FFAR4: variants seen among roughly 807,000 people sequenced by gnomAD.
FFAR4 encodes G-protein coupled receptor 120.
Under a neutral mutation model 27.0 loss-of-function variants are expected in FFAR4, and 19 were observed. The observed-to-expected ratio is 0.70, with a 90% CI of 0.49 to 1.03. The LOEUF (loss-of-function observed/expected upper bound fraction) is 1.03. Ranked by LOEUF, FFAR4 falls within the 50% of genes least tolerant of loss-of-function variation. FFAR4 has a pLI of 0.00. For missense variants in FFAR4, 476 were observed against 479.0 expected (o/e 0.99, Z 0.06); for synonymous variants, 254 against 215.6 (o/e 1.18, Z -1.56).
intron 2 of FFAR4, among the ~76,000 whole-genome samples, chr10:93,579,526 T>G (rs1214795915): frequency 6.6e-6 from 1 of 152,234 alleles, no homozygotes; most frequent in Non-Finnish European, 1.5e-5. Context: ...CTCCAATTCC[T>G]TATCCTGATT....
chr10:93,568,220 C>T (rs560027084), intron 1 of FFAR4, among the ~76,000 whole-genome samples: 524 of 152,224 alleles, frequency 3.4e-3, no homozygotes, highest in Non-Finnish European at 6.2e-3. Context: ...GGAATCTAGA[C>T]GCGGAGTCAC....
rs2058101836 is a variant in FFAR4 at position 93,567,065 on chromosome 10, C to T, written c.345C>T (p.Phe115=). ...LLGPVACHLL[F]YVMTLSGSVT... ...GCCCCGTTGCCTGCCACCTGCTCTT[C>T]TACGTGATGACCCTGAGCGGCAGCG... Residue 115 remains phenylalanine (F), a synonymous_variant, in exon 1 of 3, where the codon TTC becomes TTT. Coordinates refer to ENST00000371481, the MANE Select transcript of FFAR4 (RefSeq NM_001195755.2). 1 of 1,611,300 alleles carries T rather than the reference C, an allele frequency of 6.2e-7. No homozygotes were observed. The highest frequency in any genetic ancestry group is 1.1e-5 in the South Asian group (1 of 91,044).
In FFAR4 at chr10:93,566,788, C is replaced by A. The variant is rs201785324; in HGVS notation, c.68C>A (p.Thr23Asn). ...CGCAGCCTGGAGCAAGCCAACCGCA[C>A]CCGCTTTCCCTTCTTCTCCGACGTC... Reference protein sequence around the residue: ...PLRSLEQANRTRFPFFSDVKG... With the variant: ...PLRSLEQANRNRFPFFSDVKG... The change falls in exon 1 of 3, where the codon ACC (threonine) becomes AAC (asparagine). Residue 23 changes from threonine to asparagine, a missense_variant. Transcript: ENST00000371481. 6.2e-7 allele frequency: 1 copy of A among 1,608,830 alleles called. No individual in the cohort carries two copies. Among genetic ancestry groups the A allele is most frequent in the East Asian group, 2.2e-5 (1 of 44,726 alleles).
At chr10:93,583,332 G>C (rs550310025) in intron 2 of FFAR4, among the ~76,000 whole-genome samples, 1 of 151,810 alleles carries the variant, frequency 6.6e-6, no homozygotes, top group East Asian at 1.9e-4. Flanking sequence ...AGGAGAATGG[G>C]GTGAACCCAG....
chr10:93,581,898 G>A (rs2058199476), intron 2 of FFAR4, among the ~76,000 whole-genome samples: 1 of 152,144 alleles, frequency 6.6e-6, no homozygotes, highest in Admixed American at 6.5e-5. Context: ...CCTGGCATGG[G>A]GTACACTCCC....
At chr10:93,575,288 C>T (rs2058157291) in intron 1 of FFAR4, among the ~76,000 whole-genome samples, 1 of 152,196 alleles carries the variant, frequency 6.6e-6, no homozygotes, top group Non-Finnish European at 1.5e-5. Context: ...TATACAGACA[C>T]ACAGATATAT....
intron 1 of FFAR4, among the ~76,000 whole-genome samples, chr10:93,570,376 T>TA (rs200631699): frequency 0.08 from 11,395 of 142,700 alleles, 697 homozygotes; most frequent in East Asian, 0.33. Flanking sequence ...GTGTAGTCAT[T>TA]AAAAAAAAAA....
Position 93,587,466 on chromosome 10 carries a change from G to A in FFAR4, c.943G>A (p.Ala315Thr), listed in dbSNP as rs377458978. 6.3e-5 allele frequency: 102 copies of A among 1,613,916 alleles called. No homozygotes were observed. Among genetic ancestry groups the A allele is most frequent in the Non-Finnish European group, 8.6e-5 (102 of 1,180,020 alleles). The stretch of plus-strand genomic sequence containing the variant: ...GGTGGCCTTCACATTTGCTAATTCA[G>A]CCCTAAACCCCATCCTCTACAACAT... ...WVVAFTFANSALNPILYNMTL... is the reference protein window; with the variant it reads ...WVVAFTFANSTLNPILYNMTL... The change falls in exon 3 of 3, where the codon GCC (alanine) becomes ACC (threonine). Residue 315 changes from alanine (A) to threonine (T), a missense_variant. Physicochemically the swap from Ala to Thr is moderately conservative, Grantham distance 58. Coordinates refer to ENST00000371481, the MANE Select transcript of FFAR4 (RefSeq NM_001195755.2).
chr10:93,579,333 C>T, intron 2 of FFAR4: 2 of 804,290 alleles, frequency 2.5e-6, no homozygotes, highest in South Asian at 3.1e-5. Flanking sequence ...TTTCACCCTC[C>T]CTTGTGTCCA....
In FFAR4 at chr10:93,588,942, G is replaced by A. The variant is rs2058246905; in HGVS notation, c.*1333G>A. 6.6e-6 allele frequency: 1 copy of A among 152,282 alleles called. No homozygotes were observed. The highest frequency in any genetic ancestry group is 1.5e-5 in the Non-Finnish European group (1 of 68,052). The allele number at this position is 152,282 out of a possible 1,614,324, so 9.4% of individuals were successfully genotyped here. A position where few individuals can be genotyped will look rare whatever the true frequency, so the allele number is the denominator to read the frequency against. On this transcript the variant is annotated 3_prime_UTR_variant, in exon 3 of 3. Transcript: ENST00000371481. ...ATGGTAGTGATGGGAATTTAGATCAGATGGGGAGGGGCCTAAGGAGACCTT... is the reference window on the plus strand; with the variant it reads ...ATGGTAGTGATGGGAATTTAGATCAAATGGGGAGGGGCCTAAGGAGACCTT...
chr10:93,585,416 G>A (rs1274866331), intron 2 of FFAR4, among the ~76,000 whole-genome samples: 1 of 152,224 alleles, frequency 6.6e-6, no homozygotes, highest in Non-Finnish European at 1.5e-5. Context: ...CACCAGCAGT[G>A]CTCTGACAAG....
chr10:93,570,268 G>T (rs2058124512), intron 1 of FFAR4, among the ~76,000 whole-genome samples: 1 of 151,176 alleles, frequency 6.6e-6, no homozygotes, highest in African/African-American at 2.4e-5. Flanking sequence ...TTTCCTAAGG[G>T]TTGTTGCCTG....
At chr10:93,567,840 A>G (rs1301089669) in intron 1 of FFAR4, among the ~76,000 whole-genome samples, 1 of 151,872 alleles carries the variant, frequency 6.6e-6, no homozygotes, top group Non-Finnish European at 1.5e-5. Context: ...GGCATGTGAG[A>G]CCCGGGGACC....
chr10:93,584,915 C>T (rs771567129), intron 2 of FFAR4, among the ~76,000 whole-genome samples: 11 of 151,978 alleles, frequency 7.2e-5, no homozygotes, highest in Non-Finnish European at 1.6e-4. Flanking sequence ...CACCATGTTG[C>T]CAGGGTTGTC....
In FFAR4 at chr10:93,576,108, A is replaced by G. The variant is rs1235803782; in HGVS notation, c.585A>G (p.Thr195=). ...PGADQEISIC[T]LIWPTIPGEI... Reference sequence around the variant, plus strand: ...GTAACTAGGAAATTTCGATTTGCACACTGATTTGGCCCACCATTCCTGGAG... The same window carrying G: ...GTAACTAGGAAATTTCGATTTGCACGCTGATTTGGCCCACCATTCCTGGAG... The change falls in exon 2 of 3, where the codon ACA becomes ACG. Residue 195 remains threonine, a synonymous_variant. Coordinates refer to ENST00000371481, the MANE Select transcript of FFAR4 (RefSeq NM_001195755.2). 1.9e-6 allele frequency: 3 copies of G among 1,613,792 alleles called. No individual in the cohort carries two copies. Among genetic ancestry groups the G allele is most frequent in the Admixed American group, 3.3e-5 (2 of 59,922 alleles).
intron 2 of FFAR4, among the ~76,000 whole-genome samples, chr10:93,585,305 C>A (rs1690805545): frequency 6.6e-6 from 1 of 152,162 alleles, no homozygotes; most frequent in South Asian, 2.1e-4. Flanking sequence ...TACTGACATG[C>A]TCACCTAGGT....
chr10:93,580,522 G>T (rs545034323), intron 2 of FFAR4, among the ~76,000 whole-genome samples: 13 of 152,310 alleles, frequency 8.5e-5, no homozygotes, highest in African/African-American at 3.1e-4. Context: ...AGGCTAGATT[G>T]GATTCTTTGC....
rs2058252894 is a variant in FFAR4 at position 93,589,946 on chromosome 10, A to T, written c.*2337A>T. 6.6e-6 allele frequency: 1 copy of T among 152,198 alleles called. No individual in the cohort carries two copies. Among genetic ancestry groups the T allele is most frequent in the Admixed American group, 6.5e-5 (1 of 15,282 alleles). The allele number at this position is 152,198 out of a possible 1,614,324, so 9.4% of individuals were successfully genotyped here. On this transcript the variant is annotated 3_prime_UTR_variant, in exon 3 of 3. Transcript: ENST00000371481. ...CACCAGCAGTAGTGACTGCTTATGC[A>T]GTTTCTGGAGCAGCTTGCTTCTGAA...
rs890659627 is a variant in FFAR4 at position 93,567,040 on chromosome 10, G to A, written c.320G>A (p.Gly107Asp). The A allele has an allele frequency of 5.0e-6, 8 of 1,611,502 alleles. No homozygotes were observed. Among genetic ancestry groups the A allele is most frequent in the Non-Finnish European group, 5.9e-6 (7 of 1,179,818 alleles). ...AVRWTEAWLL[G>D]PVACHLLFYV... ...CGCTGGACTGAGGCCTGGCTGCTGGGCCCCGTTGCCTGCCACCTGCTCTTC... is the reference window on the plus strand; with the variant it reads ...CGCTGGACTGAGGCCTGGCTGCTGGACCCCGTTGCCTGCCACCTGCTCTTC... Residue 107 changes from glycine (G) to aspartate (D), a missense_variant, in exon 1 of 3, where the codon GGC (glycine) becomes GAC (aspartate). Transcript: ENST00000371481.
Sources: gnomAD v4.1 joint callset for allele counts (sites outside exome capture counted in the v4.1 genomes callset) on GRCh38, gnomAD v4.1.1 for gene constraint, MANE v1.5 for transcripts, NCBI Gene and HGNC (gene_info 2026-07-23, HGNC 2026-07-21) for gene names.